The following SPATA16 variants were observed in gnomAD, a reference collection of about 807,000 sequenced individuals.
SPATA16 encodes spermatogenesis associated 16.
Under a neutral mutation model 63.3 loss-of-function variants are expected in SPATA16, and 36 were observed. That is an observed-to-expected ratio of 0.57 (90% CI 0.44 to 0.75). The LOEUF is 0.75. Ranked by LOEUF, SPATA16 falls within the 30% of genes least tolerant of loss-of-function variation. The pLI is 0.00. For synonymous variants in SPATA16, 203 were observed against 216.7 expected (o/e 0.94, Z 0.56); for missense variants, 646 against 679.3 (o/e 0.95, Z 0.54).
intron 6 of SPATA16, among the ~76,000 whole-genome samples, chr3:172,940,169 G>A (rs76751237): frequency 0.053 from 8,136 of 152,200 alleles, 716 homozygotes; most frequent in African/African-American, 0.18. Context: ...TAATACACCA[G>A]TACAAGCAAG....
chr3:173,062,315 T>A (rs1389303049), intron 2 of SPATA16, among the ~76,000 whole-genome samples: 1 of 152,228 alleles, frequency 6.6e-6, no homozygotes, highest in Non-Finnish European at 1.5e-5. Flanking sequence ...GTGTTTTAAC[T>A]CATAAGAGTA....
At chr3:173,030,451 C>T (rs1226950939) in intron 3 of SPATA16, among the ~76,000 whole-genome samples, 2 of 152,018 alleles carry the variant, frequency 1.3e-5, no homozygotes, top group Non-Finnish European at 2.9e-5. Context: ...AGGTGATATA[C>T]CAAGGGCCAA....
At chr3:173,023,510 G>C (rs1484336373) in intron 3 of SPATA16, among the ~76,000 whole-genome samples, 1 of 151,740 alleles carries the variant, frequency 6.6e-6, no homozygotes, top group Non-Finnish European at 1.5e-5. Flanking sequence ...TCTTCCTGTT[G>C]AACTTTATCA....
chr3:173,094,018 T>C (rs934385867), intron 2 of SPATA16, among the ~76,000 whole-genome samples: 4 of 151,568 alleles, frequency 2.6e-5, no homozygotes, highest in Non-Finnish European at 5.9e-5. Flanking sequence ...GCTCTCTCTG[T>C]TCCTTCTCTA....
intron 5 of SPATA16, among the ~76,000 whole-genome samples, chr3:172,958,989 G>T (rs9852563): frequency 6.6e-6 from 1 of 151,816 alleles, no homozygotes; most frequent in South Asian, 2.1e-4. Flanking sequence ...TTTTGGAGAG[G>T]TACAGTTCAG....
At chr3:173,137,445 T>C (rs1233636114) in intron 1 of SPATA16, among the ~76,000 whole-genome samples, 1 of 152,146 alleles carries the variant, frequency 6.6e-6, no homozygotes, top group African/African-American at 2.4e-5. Context: ...AGACAAATTC[T>C]ATAACAACAG....
chr3:172,952,350 C>G (rs1733454710), intron 6 of SPATA16, among the ~76,000 whole-genome samples: 1 of 152,118 alleles, frequency 6.6e-6, no homozygotes, highest in African/African-American at 2.4e-5. Flanking sequence ...TCTCAGTGGT[C>G]TAAAGAGAGA....
Position 172,898,902 on chromosome 3 carries a change from T to C in SPATA16, c.1588-9210A>G, listed in dbSNP as rs549620728. Among the ~76,000 whole-genome samples, 292 of 152,054 alleles carry C rather than the reference T, an allele frequency of 1.9e-3. 2 individuals are homozygous for C. Among genetic ancestry groups the C allele is most frequent in the African/African-American group, 6.6e-3 (274 of 41,552 alleles). Reference sequence around the variant, plus strand: ...TACCTGTATCCCACAAATTTTGATATATTTTCATTTTTTTTAGTTCAATAT... The same window carrying C: ...TACCTGTATCCCACAAATTTTGATACATTTTCATTTTTTTTAGTTCAATAT... On this transcript the variant is annotated intron_variant, in intron 10 of 10. Coordinates refer to ENST00000351008, the MANE Select transcript of SPATA16 (RefSeq NM_031955.6).
chr3:173,122,442 C>G (rs1179872919), intron 1 of SPATA16, among the ~76,000 whole-genome samples: 1 of 151,688 alleles, frequency 6.6e-6, no homozygotes, highest in East Asian at 1.9e-4. Flanking sequence ...GGCAATTCAG[C>G]AAAAGAGAAT....
intron 3 of SPATA16, among the ~76,000 whole-genome samples, chr3:173,027,741 T>C (rs1214948937): frequency 2.0e-5 from 3 of 151,854 alleles, no homozygotes; most frequent in Non-Finnish European, 2.9e-5. Flanking sequence ...TCTATCTCTC[T>C]TTATCTCTTC....
rs1553786402 is a variant in SPATA16, at chr3:172,961,069, T to TCTTCCTTCCCTCCTTCCTTC, written c.934-4246_934-4245insGAAGGAAGGAGGGAAGGAAG. 9.8e-4 allele frequency among the ~76,000 whole-genome samples: 71 copies of TCTTCCTTCCCTCCTTCCTTC among 72,376 alleles called. 2 individuals carry two copies. The highest frequency in any genetic ancestry group is 4.3e-3 in the African/African-American group (68 of 15,974). 47.5% of individuals were successfully genotyped at this position (72,376 alleles called of 152,430 possible). Reference sequence around the variant, plus strand: ...CTTTCTTCTTTCTTTCTTTCTTCTTTCTTCCTTCCTTCCTTCCTTCCTTCC... The same window carrying TCTTCCTTCCCTCCTTCCTTC: ...CTTTCTTCTTTCTTTCTTTCTTCTTTCTTCCTTCCCTCCTTCCTTCCTTCCTTCCTTCCTTCCTTCCTTCC... On this transcript the variant is annotated intron_variant, in intron 5 of 10. Coordinates refer to ENST00000351008, the MANE Select transcript of SPATA16 (RefSeq NM_031955.6).
chr3:173,086,827 C>T (rs949876491), intron 2 of SPATA16, among the ~76,000 whole-genome samples: 2 of 152,028 alleles, frequency 1.3e-5, no homozygotes, highest in Non-Finnish European at 2.9e-5. Context: ...GTTCAATTTC[C>T]ATGTAGTTGC....
intron 4 of SPATA16, among the ~76,000 whole-genome samples, chr3:173,004,287 C>A (rs1275680188): frequency 6.6e-6 from 1 of 152,092 alleles, no homozygotes; most frequent in African/African-American, 2.4e-5. Flanking sequence ...GGAGTCGGGA[C>A]CAGCTGACTG....
chr3:172,914,380 T>G (rs1056483952), intron 9 of SPATA16, among the ~76,000 whole-genome samples: 2 of 152,144 alleles, frequency 1.3e-5, no homozygotes, highest in Admixed American at 6.5e-5. Context: ...ACCACGAAAG[T>G]GAAATGAAGT....
At chr3:172,945,522 T>G (rs1355215021) in intron 6 of SPATA16, among the ~76,000 whole-genome samples, 11 of 152,188 alleles carry the variant, frequency 7.2e-5, no homozygotes, top group African/African-American at 2.7e-4. Context: ...AGTCTTGAAT[T>G]GCTGATGTCA....
At chr3:173,068,539 G>A (rs111657934) in intron 2 of SPATA16, among the ~76,000 whole-genome samples, 42 of 152,102 alleles carry the variant, frequency 2.8e-4, no homozygotes, top group Middle Eastern at 3.4e-3. Flanking sequence ...TATACTACCA[G>A]AGACAAACAA....
At chr3:173,109,523 G>T (rs1737698860) in intron 2 of SPATA16, among the ~76,000 whole-genome samples, 1 of 152,060 alleles carries the variant, frequency 6.6e-6, no homozygotes, top group African/African-American at 2.4e-5. Flanking sequence ...AAAATATTTT[G>T]TTCCTTTAAT....
chr3:173,140,033 G>T (rs1738666467), intron 1 of SPATA16, among the ~76,000 whole-genome samples: 1 of 152,020 alleles, frequency 6.6e-6, no homozygotes, highest in Non-Finnish European at 1.5e-5. Context: ...CCTGCAGTAA[G>T]GATTAACTGT....
At chr3:173,023,161 G>C (rs1735375873) in intron 3 of SPATA16, among the ~76,000 whole-genome samples, 1 of 151,764 alleles carries the variant, frequency 6.6e-6, no homozygotes. Flanking sequence ...GTGTGTGTGT[G>C]TGTGTGTGTG....
Sources: allele counts gnomAD v4.1 joint callset (sites outside exome capture counted in the v4.1 genomes callset), GRCh38; gene constraint gnomAD v4.1.1; transcripts MANE v1.5; gene names NCBI Gene and HGNC (gene_info 2026-07-23, HGNC 2026-07-21).